The following CACNA1C variants were observed in gnomAD, a reference collection of about 807,000 sequenced individuals.
CACNA1C encodes voltage-dependent L-type calcium channel subunit alpha-1C.
CACNA1C carries 30 observed loss-of-function variants against 229.0 expected under a neutral mutation model. The observed-to-expected ratio is 0.13, with a 90% CI of 0.10 to 0.18. The LOEUF (loss-of-function observed/expected upper bound fraction) is 0.18. Ranked by LOEUF, CACNA1C falls within the 10% of genes least tolerant of loss-of-function variation. CACNA1C has a pLI of 1.00. For missense variants in CACNA1C, 1,658 were observed against 2,845.0 expected (o/e 0.58, Z 9.49); for synonymous variants, 1,114 against 1,132.5 (o/e 0.98, Z 0.33).
intron 37 of CACNA1C, chr12:2,668,728 G>A (rs1189996201): frequency 1.8e-6 from 1 of 564,690 alleles, no homozygotes; most frequent in African/African-American, 1.9e-5. Flanking sequence ...ACTCACCAAG[G>A]GGATGGTACC....
chr12:2,035,163 G>A (rs2048902699), intron 1 of CACNA1C, among the ~76,000 whole-genome samples: 1 of 152,214 alleles, frequency 6.6e-6, no homozygotes, highest in African/African-American at 2.4e-5. Context: ...GCCCTCCGCG[G>A]GGCGCCGGCG....
At chr12:2,359,463 G>A (rs541828387) in intron 3 of CACNA1C, among the ~76,000 whole-genome samples, 6 of 152,046 alleles carry the variant, frequency 3.9e-5, no homozygotes, top group East Asian at 3.9e-4. Flanking sequence ...CCTCTTTCCC[G>A]GATTGCTGTG....
At chr12:2,223,455 G>A (rs1342686852) in intron 3 of CACNA1C, 2 of 152,216 alleles carry the variant, frequency 1.3e-5, no homozygotes, top group African/African-American at 4.8e-5. Context: ...CCTAAGAAGA[G>A]GACCCTAACC....
intron 30 of CACNA1C, among the ~76,000 whole-genome samples, chr12:2,645,589 A>T (rs142361290): frequency 1.7e-3 from 266 of 152,314 alleles, no homozygotes; most frequent in African/African-American, 4.3e-3. Flanking sequence ...AAAGGGTACC[A>T]AAGACTCTAA....
In CACNA1C at chr12:2,446,492, G is replaced by A. The variant is rs528827459; in HGVS notation, c.478-2484G>A. ...GGTGGGTGGACTGACGGATGGGTGC[G>A]TCAGTGGGTGGATGGATGGATGGAT... On this transcript the variant is annotated intron_variant, in intron 3 of 46. Transcript: ENST00000399655. Among the ~76,000 whole-genome samples, 109 of 145,860 alleles carry A rather than the reference G, an allele frequency of 7.5e-4. 1 individual carries two copies. The highest frequency in any genetic ancestry group is 5.0e-3 in the South Asian group (22 of 4,392).
intron 3 of CACNA1C, among the ~76,000 whole-genome samples, chr12:2,247,215 T>G (rs1566652345): frequency 6.6e-6 from 1 of 152,250 alleles, no homozygotes; most frequent in East Asian, 1.9e-4. Flanking sequence ...TGTTATAACC[T>G]TGCTCTCTCT....
At chr12:2,402,767 T>C (rs1462873285) in intron 3 of CACNA1C, among the ~76,000 whole-genome samples, 1 of 152,208 alleles carries the variant, frequency 6.6e-6, no homozygotes, top group East Asian at 1.9e-4. Flanking sequence ...GTGGGAGCCC[T>C]GGTGGTCTGG....
At chr12:2,373,097 G>A (rs565817761) in intron 3 of CACNA1C, among the ~76,000 whole-genome samples, 31 of 152,352 alleles carry the variant, frequency 2.0e-4, no homozygotes, top group African/African-American at 7.0e-4. Flanking sequence ...TTACTGACAG[G>A]AAAGCATCTC....
At chr12:2,020,435 T>A (rs2046236327) in intron 1 of CACNA1C, 1 of 152,150 alleles carries the variant, frequency 6.6e-6, no homozygotes, top group South Asian at 2.1e-4. Context: ...GTTCCTCCCC[T>A]CTCATGTCAT....
At chr12:2,105,690 G>A (rs2078090942) in intron 1 of CACNA1C, among the ~76,000 whole-genome samples, 1 of 137,366 alleles carries the variant, frequency 7.3e-6, no homozygotes, top group Admixed American at 6.9e-5. Flanking sequence ...CGCCCACCCC[G>A]GGGAGGGTTT....
At chr12:2,125,556 A>G (rs187931238) in intron 3 of CACNA1C, among the ~76,000 whole-genome samples, 1 of 152,260 alleles carries the variant, frequency 6.6e-6, no homozygotes, top group Non-Finnish European at 1.5e-5. Flanking sequence ...CAAAGAAGAG[A>G]TGCTGATGCA....
At chr12:2,273,727 C>T (rs528831675) in intron 3 of CACNA1C, among the ~76,000 whole-genome samples, 1 of 152,296 alleles carries the variant, frequency 6.6e-6, no homozygotes, top group East Asian at 1.9e-4. Flanking sequence ...TAAGAGAAGA[C>T]GCTTGCAAAT....
In CACNA1C at chr12:2,348,084, G is replaced by A. The variant is rs1276920510; in HGVS notation, c.478-100892G>A. On this transcript the variant is annotated intron_variant, in intron 3 of 46. Coordinates refer to ENST00000399655, the MANE Select transcript of CACNA1C (RefSeq NM_000719.7). The surrounding 1 kb of genome is among the most constrained non-coding windows in gnomAD (Gnocchi z 4.7). Reference sequence around the variant, plus strand: ...CTTGTCCTAGAAACTGCAGTGAGGTGACTGTGCGGCAGGCCCACTCTCAAC... The same window carrying A: ...CTTGTCCTAGAAACTGCAGTGAGGTAACTGTGCGGCAGGCCCACTCTCAAC... 6.6e-6 allele frequency among the ~76,000 whole-genome samples: 1 copy of A among 152,244 alleles called. No individual in the cohort carries two copies. Among genetic ancestry groups the A allele is most frequent in the Non-Finnish European group, 1.5e-5 (1 of 68,042 alleles).
intron 3 of CACNA1C, among the ~76,000 whole-genome samples, chr12:2,347,393 C>T (rs187990748): frequency 2.0e-5 from 3 of 152,210 alleles, no homozygotes; most frequent in Non-Finnish European, 2.9e-5. Context: ...TCATTTCATG[C>T]TGCTGACAAC....
In CACNA1C at chr12:2,410,695, C is replaced by T. The variant is rs943321680; in HGVS notation, c.478-38281C>T. On this transcript the variant is annotated intron_variant, in intron 3 of 46. Coordinates refer to ENST00000399655, the MANE Select transcript of CACNA1C (RefSeq NM_000719.7). The surrounding 1 kb of genome is among the most constrained non-coding windows in gnomAD (Gnocchi z 5.3). The stretch of plus-strand genomic sequence containing the variant: ...GCTGACTCTAGCTGTGAGGATGGCT[C>T]GCCTGTGTGTGTGTGTGTGCGTGCA... Among the ~76,000 whole-genome samples, 20 of 146,586 alleles carry T rather than the reference C, an allele frequency of 1.4e-4. 1 individual carries two copies. Among genetic ancestry groups the T allele is most frequent in the African/African-American group, 5.1e-4 (20 of 38,966 alleles).
chr12:2,616,233 G>A (rs1457655363), intron 29 of CACNA1C, among the ~76,000 whole-genome samples: 1 of 152,166 alleles, frequency 6.6e-6, no homozygotes, highest in East Asian at 1.9e-4. Flanking sequence ...AACCTCGGGA[G>A]GCCTGGCCCC....
intron 1 of CACNA1C, among the ~76,000 whole-genome samples, chr12:2,039,009 A>C (rs1397099735): frequency 6.6e-6 from 1 of 152,244 alleles, no homozygotes; most frequent in Non-Finnish European, 1.5e-5. Context: ...AAGGATTGCA[A>C]ATGTTATATA....
Position 2,347,688 on chromosome 12 carries a change from T to C in CACNA1C, c.478-101288T>C, listed in dbSNP as rs563380888. 4.6e-5 allele frequency among the ~76,000 whole-genome samples: 7 copies of C among 152,370 alleles called. No individual in the cohort carries two copies. The South Asian group carries it at 1.4e-3, about 32-fold the overall frequency. Reference sequence around the variant, plus strand: ...TTGGGATTTGTGGGAGGGTTTGCCTTATGGGATTCCATTCTCTGAGCTCCA... The same window carrying C: ...TTGGGATTTGTGGGAGGGTTTGCCTCATGGGATTCCATTCTCTGAGCTCCA... On this transcript the variant is annotated intron_variant, in intron 3 of 46. Transcript: ENST00000399655.
At chr12:2,362,460 C>G (rs1402239991) in intron 3 of CACNA1C, among the ~76,000 whole-genome samples, 2 of 152,160 alleles carry the variant, frequency 1.3e-5, no homozygotes, top group Admixed American at 1.3e-4. Flanking sequence ...GGAAGTCCTT[C>G]CTCCCCCATA....
Sources: allele counts gnomAD v4.1 joint callset (sites outside exome capture counted in the v4.1 genomes callset), GRCh38; gene constraint gnomAD v4.1.1; non-coding constraint Gnocchi (gnomAD v3.1); transcripts MANE v1.5; gene names NCBI Gene and HGNC (gene_info 2026-07-23, HGNC 2026-07-21).